Variants in BST1 observed in about 807,000 individuals in gnomAD.
BST1 encodes bone marrow stromal cell antigen 1, also known as ADP-ribosyl cyclase/cyclic ADP-ribose hydrolase 2.
BST1 carries 49 observed loss-of-function variants against 40.6 expected under a neutral mutation model. The observed-to-expected ratio is 1.21, with a 90% CI of 0.96 to 1.53. The LOEUF is 1.53. Ranked by LOEUF, BST1 falls within the 40% of genes most tolerant of loss-of-function variation. The pLI is 0.00. For synonymous variants in BST1, 157 were observed against 159.3 expected, an observed-to-expected ratio of 0.99 and a Z score of 0.11; for missense variants, 423 against 395.9, an observed-to-expected ratio of 1.07 and a Z score of -0.58.
rs377570934 is a variant in BST1 at position 15,704,942 on chromosome 4, C to G, written c.189-573C>G. The G allele has an allele frequency of 8.5e-5, 66 of 776,086 alleles. 1 individual carries two copies. Among genetic ancestry groups the G allele is most frequent in the Non-Finnish European group, 1.5e-4 (61 of 416,354 alleles). The allele number at this position is 776,086 out of a possible 1,614,324, so 48.1% of individuals were successfully genotyped here. On this transcript the variant is annotated intron_variant, in intron 1 of 8. Transcript: ENST00000265016. ...CAGGCAAATAAGAAACAGCAGAGAA[C>G]CACCTGTGTTACACACCACCCAGTA... is the stretch of plus-strand genomic sequence containing the variant.
Position 15,719,005 on chromosome 4 carries a change from A to C in BST1, c.791+12A>C. 1 of 1,610,284 alleles carries C rather than the reference A, an allele frequency of 6.2e-7. No homozygotes were observed. The highest frequency in any genetic ancestry group is 8.5e-7 in the Non-Finnish European group (1 of 1,177,404). On this transcript the variant is annotated intron_variant, in intron 7 of 8. Transcript: ENST00000265016. ...ATTAATGATTACCGGTAGGTGGCCT[A>C]TATATCAATGTGCTCTTGTAGAGGT...
At chr4:15,749,803 C>G in the BST1 span, among the ~76,000 whole-genome samples, 1 of 152,106 alleles carries the variant, frequency 6.6e-6, no homozygotes, top group African/African-American at 2.4e-5. Flanking sequence ...ATTCACCACC[C>G]CCCGAGCATT....
At chr4:15,735,703 A>G (rs779427374), downstream of BST1, among the ~76,000 whole-genome samples, 65 of 152,296 alleles carry the variant, frequency 4.3e-4, 2 homozygotes, top group Middle Eastern at 3.4e-3. Context: ...GGCCAATCCC[A>G]TGGGAGCCCC....
intron 3 of BST1, among the ~76,000 whole-genome samples, chr4:15,710,706 T>G (rs1307830446): frequency 6.6e-6 from 1 of 152,238 alleles, no homozygotes; most frequent in Non-Finnish European, 1.5e-5. Flanking sequence ...ACCTGGCTTA[T>G]TTCACTTGAC....
chr4:15,728,005 G>A (rs1012052426), intron 8 of BST1, among the ~76,000 whole-genome samples: 1 of 151,524 alleles, frequency 6.6e-6, no homozygotes, highest in African/African-American at 2.4e-5. Flanking sequence ...CAACCTTAGC[G>A]CTTATAGGTT....
the BST1 span, among the ~76,000 whole-genome samples, chr4:15,750,197 G>T: frequency 1.3e-5 from 2 of 151,954 alleles, no homozygotes; most frequent in African/African-American, 4.8e-5. Flanking sequence ...GCTAATTTTT[G>T]TATTTTTAGT....
the BST1 span, among the ~76,000 whole-genome samples, chr4:15,746,809 T>C: frequency 6.6e-6 from 1 of 152,168 alleles, no homozygotes; most frequent in Non-Finnish European, 1.5e-5. Flanking sequence ...GAGAGGGGGC[T>C]AGGGACATGA....
chr4:15,729,187 C>T (rs1438383287), intron 8 of BST1, among the ~76,000 whole-genome samples: 1 of 152,144 alleles, frequency 6.6e-6, no homozygotes, highest in Non-Finnish European at 1.5e-5. Flanking sequence ...CCCAGTGGCT[C>T]ATGCCTGTAA....
intron 8 of BST1, chr4:15,731,074 A>AAT (rs1484366813): frequency 2.0e-6 from 1 of 492,080 alleles, no homozygotes; most frequent in Non-Finnish European, 3.8e-6. Context: ...GTTGACAGGC[A>AAT]GGTGACTGTT....
intron 8 of BST1, chr4:15,731,284 G>C (rs905693078): frequency 2.0e-6 from 1 of 510,062 alleles, no homozygotes; most frequent in Non-Finnish European, 3.5e-6. Context: ...CTTGATCAGA[G>C]ACTCTGAGGC....
chr4:15,715,979 GC>G (rs1337524661), intron 6 of BST1, among the ~76,000 whole-genome samples, 180 bp downstream of exon 6: 6 of 152,332 alleles, frequency 3.9e-5, no homozygotes, highest in Admixed American at 1.3e-4. Context: ...CCAGTCCCGA[GC>G]CCAGAGAGAA....
At chr4:15,730,549 T>C (rs1040606537) in intron 8 of BST1, among the ~76,000 whole-genome samples, 1 of 152,172 alleles carries the variant, frequency 6.6e-6, no homozygotes, top group Non-Finnish European at 1.5e-5. Context: ...GTTCAAAATA[T>C]GATGTTAGGT....
chr4:15,744,518 C>T, the BST1 span, among the ~76,000 whole-genome samples: 1 of 152,156 alleles, frequency 6.6e-6, no homozygotes, highest in Admixed American at 6.5e-5. Flanking sequence ...CACCTGGTGT[C>T]TCTTCCTTGA....
At chr4:15,729,856 T>C (rs570795877) in intron 8 of BST1, among the ~76,000 whole-genome samples, 18 of 152,250 alleles carry the variant, frequency 1.2e-4, no homozygotes, top group African/African-American at 4.3e-4. Context: ...GAAATAGGTC[T>C]GAGAAAGTAA....
chr4:15,741,855 CATTGGCTT>C (rs1473035042), downstream of BST1, among the ~76,000 whole-genome samples: 1 of 152,176 alleles, frequency 6.6e-6, no homozygotes, highest in Non-Finnish European at 1.5e-5. Context: ...AGTAAATGTT[CATTGGCTT>C]ATGGCCTAAA....
chr4:15,735,311 TG>T (rs1721515775), downstream of BST1, among the ~76,000 whole-genome samples: 1 of 152,244 alleles, frequency 6.6e-6, no homozygotes, highest in African/African-American at 2.4e-5. Flanking sequence ...ACCCTGGGAC[TG>T]TGGCTTCTTT....
At chr4:15,735,799 C>T (rs1343619284), downstream of BST1, among the ~76,000 whole-genome samples, 2 of 152,216 alleles carry the variant, frequency 1.3e-5, no homozygotes, top group African/African-American at 4.8e-5. Context: ...GACTTAGCCA[C>T]TCACAGCACA....
the BST1 span, among the ~76,000 whole-genome samples, chr4:15,754,341 A>C: frequency 1.3e-5 from 2 of 152,202 alleles, no homozygotes; most frequent in Non-Finnish European, 2.9e-5. Flanking sequence ...GGCCTAAAAG[A>C]ACCCAAGGAA....
intron 3 of BST1, 74 bp from the exon 4 acceptor site, chr4:15,711,733 A>T: frequency 8.5e-7 from 1 of 1,172,990 alleles, no homozygotes; most frequent in South Asian, 1.2e-5. Flanking sequence ...TGGAACTGGG[A>T]TATATTGTAA....
Sources: allele counts gnomAD v4.1 joint callset (sites outside exome capture counted in the v4.1 genomes callset), GRCh38; gene constraint gnomAD v4.1.1; transcripts MANE v1.5; gene names NCBI Gene and HGNC (gene_info 2026-07-23, HGNC 2026-07-21).